Variants in ADAMTS3 observed in about 807,000 individuals in gnomAD.
The protein encoded by ADAMTS3 is A disintegrin and metalloproteinase with thrombospondin motifs 3.
Under a neutral mutation model 129.0 loss-of-function variants are expected in ADAMTS3, and 73 were observed. The observed-to-expected ratio is 0.57, with a 90% CI of 0.47 to 0.69. ADAMTS3 has a LOEUF of 0.69. Among genes scored for constraint, ADAMTS3 ranks in the 30% least tolerant of loss-of-function variants. The pLI is 0.00. For synonymous variants in ADAMTS3, 477 were observed against 510.8 expected, an observed-to-expected ratio of 0.93 and a Z score of 0.89; for missense variants, 1,457 against 1,514.5, an observed-to-expected ratio of 0.96 and a Z score of 0.63.
rs142485217 is a variant in ADAMTS3 at position 72,522,900 on chromosome 4, C to T, written c.504+25578G>A. On this transcript the variant is annotated intron_variant, in intron 3 of 21. Transcript: ENST00000286657. ...AGCCAGTACCAAAGTGAGCTAGTTT[C>T]TTAACACGAGCAAGTGTTTAACAGT... Among the ~76,000 whole-genome samples the T allele has an allele frequency of 3.7e-3, 566 of 152,194 alleles. 1 individual carries two copies. The highest frequency in any genetic ancestry group is 0.024 in the Middle Eastern group (7 of 294).
At chr4:72,496,417 C>T (rs1185753506) in intron 3 of ADAMTS3, among the ~76,000 whole-genome samples, 2 of 152,132 alleles carry the variant, frequency 1.3e-5, no homozygotes, top group Non-Finnish European at 2.9e-5. Context: ...TCTCACCTTT[C>T]TTCTTTAATT....
chr4:72,472,687 A>G (rs1197914324), intron 3 of ADAMTS3, among the ~76,000 whole-genome samples: 1 of 152,186 alleles, frequency 6.6e-6, no homozygotes, highest in East Asian at 1.9e-4. Context: ...TATATAACAG[A>G]AAAATCAGAG....
intron 3 of ADAMTS3, among the ~76,000 whole-genome samples, chr4:72,498,196 T>A (rs1444236339): frequency 6.6e-6 from 1 of 152,046 alleles, no homozygotes; most frequent in African/African-American, 2.4e-5. Context: ...ATCATTTTGC[T>A]CAAAAGTAAG....
At chr4:72,365,459 TTAAG>T (rs1168468829) in intron 4 of ADAMTS3, among the ~76,000 whole-genome samples, 1 of 152,212 alleles carries the variant, frequency 6.6e-6, no homozygotes, top group Non-Finnish European at 1.5e-5. Context: ...TTATTTGTGA[TTAAG>T]TTTTTTTGGC....
At chr4:72,554,534 C>A (rs1180740844) in intron 2 of ADAMTS3, among the ~76,000 whole-genome samples, 3 of 152,092 alleles carry the variant, frequency 2.0e-5, no homozygotes, top group African/African-American at 7.3e-5. Context: ...GGCTTGCCCT[C>A]CTGACTTCGC....
intron 3 of ADAMTS3, among the ~76,000 whole-genome samples, chr4:72,472,582 T>G (rs1285064051): frequency 1.3e-5 from 2 of 152,100 alleles, no homozygotes; most frequent in African/African-American, 4.8e-5. Context: ...ATCTTGTCCG[T>G]TCCCCAATAT....
chr4:72,408,701 G>A (rs1335194706), intron 4 of ADAMTS3, among the ~76,000 whole-genome samples: 7 of 146,050 alleles, frequency 4.8e-5, no homozygotes, highest in Non-Finnish European at 3.0e-5. Flanking sequence ...ATTGTACCTG[G>A]AAAAAAAAAA....
At chr4:72,319,553 T>G in intron 8 of ADAMTS3, 78 bp from the exon 9 acceptor site, 1 of 1,498,674 alleles carries the variant, frequency 6.7e-7, no homozygotes, top group Middle Eastern at 1.8e-4. Context: ...AAATAAGCCC[T>G]GGGAAATAAC....
At chr4:72,395,464 C>T (rs955697483) in intron 4 of ADAMTS3, among the ~76,000 whole-genome samples, 3 of 151,976 alleles carry the variant, frequency 2.0e-5, no homozygotes, top group South Asian at 2.1e-4. Flanking sequence ...TGGGGAGTGG[C>T]GTCCCTTATG....
At chr4:72,393,247 A>C (rs1475842478) in intron 4 of ADAMTS3, among the ~76,000 whole-genome samples, 4 of 152,080 alleles carry the variant, frequency 2.6e-5, no homozygotes, top group Non-Finnish European at 5.9e-5. Flanking sequence ...TTGCAACAGA[A>C]ATATTAGTTT....
At chr4:72,537,306 G>C (rs60196586) in intron 3 of ADAMTS3, among the ~76,000 whole-genome samples, 7,404 of 152,258 alleles carry the variant, frequency 0.049, 593 homozygotes, top group African/African-American at 0.17. Context: ...TGGAGATTTA[G>C]ACAAAGAGTG....
intron 13 of ADAMTS3, among the ~76,000 whole-genome samples, chr4:72,311,818 T>G (rs1036025073): frequency 3.3e-5 from 5 of 152,140 alleles, no homozygotes; most frequent in Non-Finnish European, 2.9e-5. Flanking sequence ...AAGTGAAACA[T>G]TAAAAGAAAA....
intron 3 of ADAMTS3, among the ~76,000 whole-genome samples, chr4:72,445,790 T>A (rs984956872): frequency 6.6e-6 from 1 of 151,734 alleles, no homozygotes; most frequent in Non-Finnish European, 1.5e-5. Flanking sequence ...GATTTTCATG[T>A]CAATCATGGC....
chr4:72,528,413 T>C (rs1277011494), intron 3 of ADAMTS3, among the ~76,000 whole-genome samples: 1 of 151,568 alleles, frequency 6.6e-6, no homozygotes, highest in East Asian at 1.9e-4. Context: ...AAGCAATCAA[T>C]ATGTTGATTA....
intron 4 of ADAMTS3, among the ~76,000 whole-genome samples, chr4:72,367,053 T>C (rs1012201545): frequency 2.6e-5 from 4 of 152,176 alleles, no homozygotes; most frequent in African/African-American, 9.6e-5. Context: ...TACTCTGTAA[T>C]GAAAAGGGCT....
At chr4:72,348,026 T>G (rs190892577) in intron 4 of ADAMTS3, among the ~76,000 whole-genome samples, 41 of 152,184 alleles carry the variant, frequency 2.7e-4, no homozygotes, top group Admixed American at 2.5e-3. Flanking sequence ...TTAATAAAAA[T>G]GTAAATAAGT....
intron 3 of ADAMTS3, among the ~76,000 whole-genome samples, chr4:72,419,420 A>T (rs2109931792): frequency 6.6e-6 from 1 of 152,264 alleles, no homozygotes; most frequent in South Asian, 2.1e-4. Flanking sequence ...ACTTTTGGTG[A>T]TTTTCCAAAT....
At chr4:72,335,940 C>T (rs190672768) in intron 5 of ADAMTS3, among the ~76,000 whole-genome samples, 6 of 152,156 alleles carry the variant, frequency 3.9e-5, no homozygotes, top group South Asian at 2.1e-4. Flanking sequence ...ACTTAATATA[C>T]GAGCTCTTTT....
chr4:72,412,694 G>T (rs948011881), intron 4 of ADAMTS3, among the ~76,000 whole-genome samples: 2 of 152,014 alleles, frequency 1.3e-5, no homozygotes, highest in South Asian at 4.1e-4. Context: ...CATTTTAAGA[G>T]AACTGAATGA....
Sources: gnomAD v4.1 joint callset for allele counts (sites outside exome capture counted in the v4.1 genomes callset) on GRCh38, gnomAD v4.1.1 for gene constraint, MANE v1.5 for transcripts, NCBI Gene and HGNC (gene_info 2026-07-23, HGNC 2026-07-21) for gene names.